The following IPO5 variants were observed in gnomAD, a reference collection of about 807,000 sequenced individuals.
IPO5 encodes importin 5.
A neutral mutation model predicts 143.3 loss-of-function variants in IPO5; 18 were observed. That is an observed-to-expected ratio of 0.13 (90% CI 0.09 to 0.19). IPO5 has a LOEUF of 0.19. IPO5 is among the 10% of genes least tolerant of loss of function. The pLI is 1.00. For missense variants in IPO5, 1,013 were observed against 1,336.9 expected (o/e 0.76, Z 3.78); for synonymous variants, 477 against 465.7 (o/e 1.02, Z -0.31).
At chr13:98,000,804 AG>A in intron 13 of IPO5, 159 bp downstream of exon 13, 1 of 592,366 alleles carries the variant, frequency 1.7e-6, no homozygotes, top group Non-Finnish European at 3.0e-6. Flanking sequence ...TCAATCCCAA[AG>A]AAAATGTACA....
At chr13:98,018,991 T>G in intron 26 of IPO5, among the ~76,000 whole-genome samples, 1 of 152,016 alleles carries the variant, frequency 6.6e-6, no homozygotes, top group East Asian at 1.9e-4. Flanking sequence ...TTTCTTTAAT[T>G]GAGGCCCAGG....
intron 16 of IPO5, among the ~76,000 whole-genome samples, chr13:98,003,601 G>C (rs1888974032): frequency 6.6e-6 from 1 of 152,148 alleles, no homozygotes; most frequent in African/African-American, 2.4e-5. Flanking sequence ...CGTAATCCCA[G>C]CACTTTGGGA....
chr13:98,014,322 G>T, intron 22 of IPO5, 108 bp downstream of exon 22: 1 of 779,940 alleles, frequency 1.3e-6, no homozygotes, highest in South Asian at 1.9e-5. Context: ...CTGTCACCCA[G>T]GCTGGAGTGC....
At position 97,976,763 on chromosome 13, in the gene IPO5, A is replaced by G. The variant is rs1326934945; in HGVS notation, c.67A>G (p.Asn23Asp). 1 of 1,409,482 alleles carries G rather than the reference A, an allele frequency of 7.1e-7. No homozygotes were observed. The highest frequency in any genetic ancestry group is 9.5e-7 in the Non-Finnish European group (1 of 1,056,244). The allele number at this position is 1,409,482 out of a possible 1,614,324, so 87.3% of individuals were successfully genotyped here. A position where few individuals can be genotyped will look rare whatever the true frequency, so the allele number is the denominator to read the frequency against. Residue 23 changes from asparagine (N) to aspartate (D), a missense_variant, in exon 4 of 29, where the codon AAT becomes GAT. Transcript: ENST00000651721. The stretch of plus-strand genomic sequence containing the variant: ...CCTGGGAAACCTGCTCAGCCCCGAC[A>G]ATGTGGTCCGGAAACAGGCAGAGGT... The part of the protein sequence containing the change: ...LLLGNLLSPD[N>D]VVRKQAEETY...
intron 2 of IPO5, among the ~76,000 whole-genome samples, chr13:97,969,175 A>ATTTTTTTTTTTTTTTTTT (rs60300496): frequency 2.3e-5 from 1 of 43,906 alleles, no homozygotes; most frequent in Non-Finnish European, 4.0e-5. Context: ...ATATATATAT[A>ATTTTTTTTTTTTTTTTTT]TTTTTTTTTT....
At chr13:97,954,442 C>G (rs1368641368) in intron 2 of IPO5, among the ~76,000 whole-genome samples, 1 of 152,168 alleles carries the variant, frequency 6.6e-6, no homozygotes, top group Non-Finnish European at 1.5e-5. Context: ...TTTAATTTCT[C>G]AAATCCCAAG....
At chr13:97,984,825 T>C in intron 5 of IPO5, among the ~76,000 whole-genome samples, 1 of 152,190 alleles carries the variant, frequency 6.6e-6, no homozygotes, top group East Asian at 1.9e-4. Flanking sequence ...TAGCTTTTCT[T>C]TTGATAATCT....
chr13:97,971,906 T>C (rs1189453961), intron 3 of IPO5, among the ~76,000 whole-genome samples: 1 of 152,202 alleles, frequency 6.6e-6, no homozygotes, highest in Non-Finnish European at 1.5e-5. Flanking sequence ...TATGTGAATT[T>C]ACATATATTA....
chr13:97,993,129 A>T lies in IPO5; in HGVS notation c.817A>T (p.Asn273Tyr), dbSNP rs1474924438. ...GTTGTGTGGAGACACTAGCCTCAACAATATGCAACGCCAGCTTGCCCTTGA... is the reference window on the plus strand; with the variant it reads ...GTTGTGTGGAGACACTAGCCTCAACTATATGCAACGCCAGCTTGCCCTTGA... ...LKLCGDTSLNNMQRQLALEVI... is the reference protein window; with the variant it reads ...LKLCGDTSLNYMQRQLALEVI... The change falls in exon 11 of 29, where the codon AAT becomes TAT. Residue 273 changes from asparagine (N) to tyrosine (Y), a missense_variant. Asn to Tyr is a moderately radical substitution (Grantham distance 143, BLOSUM62 -2). Transcript: ENST00000651721. 2.5e-6 allele frequency: 4 copies of T among 1,614,176 alleles called. No individual in the cohort carries two copies.
chr13:98,014,927 C>G (rs1289749042), intron 22 of IPO5, among the ~76,000 whole-genome samples: 1 of 150,948 alleles, frequency 6.6e-6, no homozygotes, highest in Non-Finnish European at 1.5e-5. Context: ...TTCTTTTCCT[C>G]TCAGTTCATT....
Position 98,021,832 on chromosome 13 carries a change from A to G in IPO5, c.*10A>G. 1.3e-6 allele frequency: 2 copies of G among 1,583,608 alleles called. No homozygotes were observed. Among genetic ancestry groups the G allele is most frequent in the Admixed American group, 1.7e-5 (1 of 58,904 alleles). On this transcript the variant is annotated 3_prime_UTR_variant, in exon 29 of 29. Transcript: ENST00000651721. ...CCTGAACTCTGCGTGAAGGGCCTTAATGTCACCCACCAGAAAACTAACTCC... is the reference window on the plus strand; with the variant it reads ...CCTGAACTCTGCGTGAAGGGCCTTAGTGTCACCCACCAGAAAACTAACTCC...
rs779756528 is a variant in IPO5 at position 98,021,768 on chromosome 13, A to G, written c.3240A>G (p.Ala1080=). The change falls in exon 29 of 29, where the codon GCA becomes GCG. Residue 1080 remains alanine, a synonymous_variant. Coordinates refer to ENST00000651721, the MANE Select transcript of IPO5 (RefSeq NM_002271.6). The part of the protein sequence containing the change: ...TSGGLWTECI[A]QLSPEQQAAI... ...GAGGACTGTGGACTGAGTGCATAGCACAGCTCAGTCCTGAGCAGCAGGCCG... is the reference window on the plus strand; with the variant it reads ...GAGGACTGTGGACTGAGTGCATAGCGCAGCTCAGTCCTGAGCAGCAGGCCG... The G allele has an allele frequency of 6.3e-7, 1 of 1,594,302 alleles. No individual in the cohort carries two copies. The highest frequency in any genetic ancestry group is 1.3e-5 in the African/African-American group (1 of 74,672).
At position 98,021,770 on chromosome 13, in the gene IPO5, A is replaced by C. The variant is rs748967343; in HGVS notation, c.3242A>C (p.Gln1081Pro). ...SGGLWTECIAQLSPEQQAAIQ... is the reference protein window; with the variant it reads ...SGGLWTECIAPLSPEQQAAIQ... ...GGACTGTGGACTGAGTGCATAGCAC[A>C]GCTCAGTCCTGAGCAGCAGGCCGCC... The change falls in exon 29 of 29, where the codon CAG becomes CCG. Residue 1081 changes from glutamine to proline, a missense_variant. Physicochemically the swap from Gln to Pro is moderately conservative, Grantham distance 76 (BLOSUM62 -1). This residue lies in a region of IPO5 where 685 missense variants were observed against 994.9 expected (regional missense o/e 0.69). Transcript: ENST00000651721. 15 of 1,594,548 alleles carry C rather than the reference A, an allele frequency of 9.4e-6. No homozygotes were observed. The highest frequency in any genetic ancestry group is 1.3e-5 in the Non-Finnish European group (15 of 1,165,624).
In IPO5 at chr13:97,983,547, C is replaced by G. The variant is rs1199100954; in HGVS notation, c.171+964C>G. ...TTTGTAGCTAATTCCACCCCCCCCC[C>G]CCACCGTCCCCCCGATTATAAGTTA... On this transcript the variant is annotated intron_variant, in intron 5 of 28. Transcript: ENST00000651721. 1.7e-4 allele frequency among the ~76,000 whole-genome samples: 22 copies of G among 126,754 alleles called. 1 individual carries two copies. The highest frequency in any genetic ancestry group is 1.1e-3 in the East Asian group (3 of 2,854). 83.2% of individuals were successfully genotyped at this position (126,754 alleles called of 152,430 possible).
rs1347661100 is a variant in IPO5 at position 98,022,349 on chromosome 13, T to G, written c.*527T>G. ...GATGGCATATTTGATGTCACTTTGGTTCTTTTTCCCAGAAGGCTTATACAG... is the reference window on the plus strand; with the variant it reads ...GATGGCATATTTGATGTCACTTTGGGTCTTTTTCCCAGAAGGCTTATACAG... On this transcript the variant is annotated 3_prime_UTR_variant, in exon 29 of 29. Coordinates refer to ENST00000651721, the MANE Select transcript of IPO5 (RefSeq NM_002271.6). 6.6e-6 allele frequency: 1 copy of G among 152,636 alleles called. No homozygotes were observed. The highest frequency in any genetic ancestry group is 6.5e-5 in the Admixed American group (1 of 15,276). 9.5% of individuals were successfully genotyped at this position (152,636 alleles called of 1,614,324 possible).
At chr13:98,010,293 A>T in intron 20 of IPO5, 69 bp downstream of exon 20, 1 of 1,384,022 alleles carries the variant, frequency 7.2e-7, no homozygotes. Flanking sequence ...AGTGCTTTTA[A>T]TAGCTGCTAA....
chr13:98,013,701 T>C (rs555484998), intron 21 of IPO5, among the ~76,000 whole-genome samples: 4 of 152,316 alleles, frequency 2.6e-5, no homozygotes, highest in African/African-American at 9.6e-5. Context: ...AATACTTCAG[T>C]TGCTTTTATT....
intron 4 of IPO5, chr13:97,979,948 G>T (rs1245318706): frequency 2.2e-6 from 1 of 456,606 alleles, no homozygotes; most frequent in Non-Finnish European, 4.4e-6. Context: ...TACAAGGTAG[G>T]CTCACTATAA....
intron 9 of IPO5, among the ~76,000 whole-genome samples, chr13:97,992,104 A>G (rs1887853662): frequency 6.6e-6 from 1 of 152,242 alleles, no homozygotes. Context: ...CAATGAAAAG[A>G]TAGTTTCGTG....
Sources: allele counts gnomAD v4.1 joint callset (sites outside exome capture counted in the v4.1 genomes callset), GRCh38; gene constraint gnomAD v4.1.1; regional missense constraint gnomAD v4.1.1; transcripts MANE v1.5; gene names NCBI Gene and HGNC (gene_info 2026-07-23, HGNC 2026-07-21).